FGL2: variants seen among roughly 807,000 people sequenced by gnomAD.
FGL2 encodes fibrinogen like 2.
In FGL2, 21 loss-of-function variants were observed where a neutral mutation model predicts 36.0. The ratio of observed to expected loss-of-function variants is 0.58; its 90% CI spans 0.41 to 0.84. The LOEUF (loss-of-function observed/expected upper bound fraction) is 0.84, where lower values mean the gene tolerates loss of function less well. Ranked by LOEUF, FGL2 falls within the 40% of genes least tolerant of loss-of-function variation. The probability of loss-of-function intolerance (pLI) is 0.00; values close to 1 mark genes in which losing one functional copy is unlikely to be tolerated. For synonymous variants in FGL2, 183 were observed against 190.7 expected, an observed-to-expected ratio of 0.96 and a Z score of 0.33; for missense variants, 444 against 526.3, an observed-to-expected ratio of 0.84 and a Z score of 1.53.
rs960459619 is a variant in FGL2 at position 77,196,869 on chromosome 7, T to C, written c.730A>G (p.Met244Val). The stretch of plus-strand genomic sequence containing the variant: ...GTCCAGCCTCCCCCCATGGTCTCCA[T>C]GTCACAGTAAACTTCAAAGCTACTA... ...KNSSFEVYCDMETMGGGWTVL... is the reference protein window; with the variant it reads ...KNSSFEVYCDVETMGGGWTVL... Residue 244 changes from methionine to valine, a missense_variant, in exon 2 of 2, where the codon ATG (methionine) becomes GTG (valine). Transcript: ENST00000248598. This position sits in a 1 kb window ranked among gnomAD's most constrained non-coding sequence, Gnocchi z 4.2. The C allele has an allele frequency of 6.2e-7, 1 of 1,614,044 alleles. No individual in the cohort carries two copies. The highest frequency in any genetic ancestry group is 1.3e-5 in the African/African-American group (1 of 75,016).
At chr7:77,198,116 T>C (rs1016082455) in intron 1 of FGL2, 1 of 984,714 alleles carries the variant, frequency 1.0e-6, no homozygotes, top group African/African-American at 1.7e-5. Flanking sequence ...TACCCACTGA[T>C]GTCACCTAAG....
In FGL2 at chr7:77,197,003, G is replaced by C; in HGVS notation, c.614-18C>G. On this transcript the variant is annotated intron_variant, in intron 1 of 1. Transcript: ENST00000248598. ...ATGTTGAACTGAAGGGGAAATAAAA[G>C]GAAGGCATTGGATCTTGTTAATAGA... The C allele has an allele frequency of 7.0e-7, 1 of 1,433,174 alleles. No individual in the cohort carries two copies. Among genetic ancestry groups the C allele is most frequent in the Non-Finnish European group, 9.7e-7 (1 of 1,034,202 alleles). The allele number at this position is 1,433,174 out of a possible 1,614,324, so 88.8% of individuals were successfully genotyped here.
rs1232284673 is a variant in FGL2 at position 77,193,787 on chromosome 7, AG to A, written c.*2491del. 1.3e-5 allele frequency: 2 copies of A among 152,504 alleles called. No individual in the cohort carries two copies. The highest frequency in any genetic ancestry group is 2.9e-5 in the Non-Finnish European group (2 of 67,984). The allele number at this position is 152,504 out of a possible 1,614,324, so 9.4% of individuals were successfully genotyped here. ...TTCAAGTAATCATGACCTCAGAAATAGTCTTAATTAAGATAACAAATATTAG... is the reference window on the plus strand; with the variant it reads ...TTCAAGTAATCATGACCTCAGAAATATCTTAATTAAGATAACAAATATTAG... On this transcript the variant is annotated 3_prime_UTR_variant, in exon 2 of 2. Transcript: ENST00000248598.
intron 1 of FGL2, 52 bp downstream of exon 1, chr7:77,199,129 C>T: frequency 1.3e-6 from 2 of 1,482,674 alleles, no homozygotes; most frequent in African/African-American, 2.8e-5. Context: ...TAGATACTCT[C>T]TAGCTGTATA....
At position 77,196,128 on chromosome 7, in the gene FGL2, G is replaced by A; in HGVS notation, c.*151C>T. The A allele has an allele frequency of 1.6e-6, 1 of 610,532 alleles. No individual in the cohort carries two copies. Among genetic ancestry groups the A allele is most frequent in the Admixed American group, 3.1e-5 (1 of 32,268 alleles). 37.8% of individuals were successfully genotyped at this position (610,532 alleles called of 1,614,324 possible). The stretch of plus-strand genomic sequence containing the variant: ...CTCCTTTAAAATGCATTGTTTTTCA[G>A]CTTTATTTCAAATGCTGTGTAGCAT... On this transcript the variant is annotated 3_prime_UTR_variant, in exon 2 of 2. Coordinates refer to ENST00000248598, the MANE Select transcript of FGL2 (RefSeq NM_006682.3). The surrounding 1 kb of genome is among the most constrained non-coding windows in gnomAD (Gnocchi z 4.2).
chr7:77,199,736 A>G lies in FGL2; in HGVS notation c.58T>C (p.Leu20=). The stretch of plus-strand genomic sequence containing the variant: ...TCTGTTTCATTGTTTGCCACAACCA[A>G]AAAACCGTAAGTGGCAAGAACAGCT... The part of the protein sequence containing the change: ...SSAVLATYGF[L]VVANNETEEI... The change falls in exon 1 of 2, where the codon TTG becomes CTG. Residue 20 remains leucine (L), a synonymous_variant. Coordinates refer to ENST00000248598, the MANE Select transcript of FGL2 (RefSeq NM_006682.3). 6.2e-7 allele frequency: 1 copy of G among 1,614,092 alleles called. No homozygotes were observed.
rs1299571883 is a variant in FGL2, at chr7:77,194,301, C to T, written c.*1978G>A. The stretch of plus-strand genomic sequence containing the variant: ...TAAATGACAATGACCTTATCTGAAA[C>T]AAATACATTGTATAATATCAAAACG... On this transcript the variant is annotated 3_prime_UTR_variant, in exon 2 of 2. Coordinates refer to ENST00000248598, the MANE Select transcript of FGL2 (RefSeq NM_006682.3). 1 of 151,884 alleles carries T rather than the reference C, an allele frequency of 6.6e-6. No homozygotes were observed. The highest frequency in any genetic ancestry group is 1.5e-5 in the Non-Finnish European group (1 of 67,866). The allele number at this position is 151,884 out of a possible 1,614,324, so 9.4% of individuals were successfully genotyped here. A position where few individuals can be genotyped will look rare whatever the true frequency, so the allele number is the denominator to read the frequency against.
In FGL2 at chr7:77,196,323, T is replaced by C; in HGVS notation, c.1276A>G (p.Lys426Glu). The change falls in exon 2 of 2, where the codon AAA becomes GAA. Residue 426 changes from lysine (K) to glutamate (E), a missense_variant. Lys to Glu is a moderately conservative substitution (Grantham distance 56). Coordinates refer to ENST00000248598, the MANE Select transcript of FGL2 (RefSeq NM_006682.3). The surrounding 1 kb of genome is among the most constrained non-coding windows in gnomAD (Gnocchi z 4.2). ...GGTCTGATCATCATCTTAGCCTCTT[T>C]GAAGGAGGACTTGTAGCCACCAGGG... ...AHPGGYKSSF[K>E]EAKMMIRPKH... 1 of 1,614,094 alleles carries C rather than the reference T, an allele frequency of 6.2e-7. No homozygotes were observed. Among genetic ancestry groups the C allele is most frequent in the Non-Finnish European group, 8.5e-7 (1 of 1,179,996 alleles).
chr7:77,195,925 G>T lies in FGL2; in HGVS notation c.*354C>A, dbSNP rs3093280. 5.3e-6 allele frequency: 1 copy of T among 188,154 alleles called. No individual in the cohort carries two copies. Among genetic ancestry groups the T allele is most frequent in the Non-Finnish European group, 1.1e-5 (1 of 90,738 alleles). 11.7% of individuals were successfully genotyped at this position (188,154 alleles called of 1,614,324 possible). ...GCCTGCCTTGACATTCCAAAGTGCT[G>T]GGATTACAGGCGTGAGCTACCACAC... is the stretch of plus-strand genomic sequence containing the variant. On this transcript the variant is annotated 3_prime_UTR_variant, in exon 2 of 2. Coordinates refer to ENST00000248598, the MANE Select transcript of FGL2 (RefSeq NM_006682.3).
At position 77,195,150 on chromosome 7, in the gene FGL2, C is replaced by A. The variant is rs1791841620; in HGVS notation, c.*1129G>T. 6.6e-6 allele frequency: 1 copy of A among 151,614 alleles called. No individual in the cohort carries two copies. Among genetic ancestry groups the A allele is most frequent in the East Asian group, 1.9e-4 (1 of 5,176 alleles). 9.4% of individuals were successfully genotyped at this position (151,614 alleles called of 1,614,324 possible). On this transcript the variant is annotated 3_prime_UTR_variant, in exon 2 of 2. Coordinates refer to ENST00000248598, the MANE Select transcript of FGL2 (RefSeq NM_006682.3). The stretch of plus-strand genomic sequence containing the variant: ...AGCCTGTAAGTAAATGCTTCATTAC[C>A]CACATATCCCTACCCACCCCCCCCA...
In FGL2 at chr7:77,193,882, C is replaced by T. The variant is rs966150234; in HGVS notation, c.*2397G>A. The T allele has an allele frequency of 2.6e-5, 4 of 152,462 alleles. No individual in the cohort carries two copies. The highest frequency in any genetic ancestry group is 2.0e-4 in the Admixed American group (3 of 15,266). The allele number at this position is 152,462 out of a possible 1,614,324, so 9.4% of individuals were successfully genotyped here. ...GTCAATCCATATTTATGAATATTAG[C>T]ATATATTGGTGAATAGTTAAGGCAA... On this transcript the variant is annotated 3_prime_UTR_variant, in exon 2 of 2. Coordinates refer to ENST00000248598, the MANE Select transcript of FGL2 (RefSeq NM_006682.3).
Position 77,199,433 on chromosome 7 carries a change from C to A in FGL2, c.361G>T (p.Ala121Ser), listed in dbSNP as rs962390445. 3 of 1,614,192 alleles carry A rather than the reference C, an allele frequency of 1.9e-6. No individual in the cohort carries two copies. The highest frequency in any genetic ancestry group is 2.5e-6 in the Non-Finnish European group (3 of 1,180,036). ...CTGTTATCACCAACCTCTCCCGGGG[C>A]TCCTGTACTGGGTAACAACAGTCCG... ...RNGLLLPSTG[A>S]PGEVGDNRVR... The change falls in exon 1 of 2, where the codon GCC becomes TCC. Residue 121 changes from alanine to serine, a missense_variant. Coordinates refer to ENST00000248598, the MANE Select transcript of FGL2 (RefSeq NM_006682.3).
At position 77,199,608 on chromosome 7, in the gene FGL2, G is replaced by A; in HGVS notation, c.186C>T (p.Pro62=). The A allele has an allele frequency of 1.9e-6, 3 of 1,614,106 alleles. No homozygotes were observed. The highest frequency in any genetic ancestry group is 2.2e-5 in the East Asian group (1 of 44,886). ...AGECPYQVSL[P]PLTIQLPKQF... ...GCTTCGGGAGCTGAATAGTCAAGGG[G>A]GGCAGGCTTACCTGGTAGGGGCACT... Residue 62 remains proline, a synonymous_variant, in exon 1 of 2, where the codon CCC becomes CCT. Coordinates refer to ENST00000248598, the MANE Select transcript of FGL2 (RefSeq NM_006682.3).
At chr7:77,198,081 G>A in intron 1 of FGL2, 3 of 960,428 alleles carry the variant, frequency 3.1e-6, no homozygotes, top group Non-Finnish European at 3.7e-6. Flanking sequence ...ATGACAAGTT[G>A]CCATGCAGCA....
rs973192990 is a variant in FGL2, at chr7:77,194,313, A to G, written c.*1966T>C. On this transcript the variant is annotated 3_prime_UTR_variant, in exon 2 of 2. Transcript: ENST00000248598. ...ACCTTATCTGAAACAAATACATTGTATAATATCAAAACGTTTTTAGTCTTT... is the reference window on the plus strand; with the variant it reads ...ACCTTATCTGAAACAAATACATTGTGTAATATCAAAACGTTTTTAGTCTTT... 2.0e-5 allele frequency: 3 copies of G among 152,124 alleles called. No homozygotes were observed. Among genetic ancestry groups the G allele is most frequent in the South Asian group, 2.1e-4 (1 of 4,836 alleles). The allele number at this position is 152,124 out of a possible 1,614,324, so 9.4% of individuals were successfully genotyped here. A position where few individuals can be genotyped will look rare whatever the true frequency, so the allele number is the denominator to read the frequency against.
chr7:77,196,947 C>T lies in FGL2; in HGVS notation c.652G>A (p.Ala218Thr), dbSNP rs769924412. 9.1e-5 allele frequency: 146 copies of T among 1,612,112 alleles called. 2 individuals are homozygous for T. The highest frequency in any genetic ancestry group is 4.5e-4 in the Admixed American group (27 of 59,944). The change falls in exon 2 of 2, where the codon GCA (alanine) becomes ACA (threonine). Residue 218 changes from alanine (A) to threonine (T), a missense_variant. Transcript: ENST00000248598. The surrounding 1 kb of genome is among the most constrained non-coding windows in gnomAD (Gnocchi z 4.2). ...LIYKDCSDYY[A>T]IGKRSSETYR... ...GTCTCACTGCTTCTTTTGCCTATTGCGTAGTAGTCAGAGCAATCTTTATAT... is the reference window on the plus strand; with the variant it reads ...GTCTCACTGCTTCTTTTGCCTATTGTGTAGTAGTCAGAGCAATCTTTATAT...
In FGL2 at chr7:77,198,242, G is replaced by A. The variant is rs544264957; in HGVS notation, c.613+939C>T. 11 of 985,416 alleles carry A rather than the reference G, an allele frequency of 1.1e-5. No individual in the cohort carries two copies. In the South Asian group the frequency reaches 4.2e-4, roughly 38 times the overall value. 61.0% of individuals were successfully genotyped at this position (985,416 alleles called of 1,614,324 possible). On this transcript the variant is annotated intron_variant, in intron 1 of 1. Transcript: ENST00000248598. ...TCCCTCCTTCACTGGCAGATGCCCT[G>A]GGGATGGAGCATGCCTGAGATACTG... is the stretch of plus-strand genomic sequence containing the variant.
At position 77,196,857 on chromosome 7, in the gene FGL2, C is replaced by G. The variant is rs1220925179; in HGVS notation, c.742G>C (p.Gly248Arg). 1.9e-6 allele frequency: 3 copies of G among 1,614,026 alleles called. No homozygotes were observed. Among genetic ancestry groups the G allele is most frequent in the South Asian group, 2.2e-5 (2 of 91,064 alleles). Residue 248 changes from glycine to arginine, a missense_variant, in exon 2 of 2, where the codon GGG (glycine) becomes CGG (arginine). Coordinates refer to ENST00000248598, the MANE Select transcript of FGL2 (RefSeq NM_006682.3). The surrounding 1 kb of genome is among the most constrained non-coding windows in gnomAD (Gnocchi z 4.2). ...FEVYCDMETMGGGWTVLQARL... is the reference protein window; with the variant it reads ...FEVYCDMETMRGGWTVLQARL... ...GCCTGCAGCACTGTCCAGCCTCCCC[C>G]CATGGTCTCCATGTCACAGTAAACT...
intron 1 of FGL2, chr7:77,198,859 C>T: frequency 2.6e-6 from 1 of 378,650 alleles, no homozygotes; most frequent in Non-Finnish European, 4.7e-6. Flanking sequence ...TTTCAAACAC[C>T]TCATTGAAGA....
Sources: allele counts gnomAD v4.1 joint callset, GRCh38; gene constraint gnomAD v4.1.1; non-coding constraint Gnocchi (gnomAD v3.1); transcripts MANE v1.5; gene names NCBI Gene and HGNC (gene_info 2026-07-23, HGNC 2026-07-21).